TBCK: variants seen among roughly 807,000 people sequenced by gnomAD.
The protein encoded by TBCK is TBC1 domain containing kinase, also known as TBC domain-containing protein kinase-like protein.
A neutral mutation model predicts 113.4 loss-of-function variants in TBCK; 99 were observed. The ratio of observed to expected loss-of-function variants is 0.87; its 90% CI spans 0.74 to 1.03. The LOEUF (loss-of-function observed/expected upper bound fraction) is 1.03. TBCK is among the 50% of genes least tolerant of loss of function. The pLI is 0.00. For synonymous variants in TBCK, 369 were observed against 370.8 expected (o/e 1.00, Z 0.05); for missense variants, 1,045 against 1,061.3 (o/e 0.98, Z 0.21).
At chr4:106,275,739 A>G (rs1467577262) in intron 3 of TBCK, among the ~76,000 whole-genome samples, 1 of 152,138 alleles carries the variant, frequency 6.6e-6, no homozygotes, top group Non-Finnish European at 1.5e-5. Context: ...TACATCATAA[A>G]CTATAAAACA....
At chr4:106,127,378 A>G (rs2149607279) in intron 23 of TBCK, among the ~76,000 whole-genome samples, 1 of 152,242 alleles carries the variant, frequency 6.6e-6, no homozygotes, top group East Asian at 1.9e-4. Context: ...CAAAGTTCAA[A>G]AATCTGTAAA....
intron 25 of TBCK, among the ~76,000 whole-genome samples, chr4:106,078,338 G>A (rs1738466838): frequency 6.6e-6 from 1 of 152,050 alleles, no homozygotes; most frequent in Admixed American, 6.6e-5. Flanking sequence ...AAGTATCAAT[G>A]CCCCCAAAAG....
intron 25 of TBCK, among the ~76,000 whole-genome samples, chr4:106,053,737 T>G (rs1480922044): frequency 2.0e-5 from 3 of 151,610 alleles, no homozygotes; most frequent in Non-Finnish European, 4.4e-5. Flanking sequence ...CTTCACAAAC[T>G]TAACAGTTTC....
chr4:106,247,035 C>A, intron 10 of TBCK, 104 bp downstream of exon 10: 1 of 1,146,928 alleles, frequency 8.7e-7, no homozygotes, highest in East Asian at 2.5e-5. Flanking sequence ...TTCCCATGAT[C>A]CCACCAATAT....
intron 23 of TBCK, among the ~76,000 whole-genome samples, chr4:106,162,681 TAC>T (rs1362585944): frequency 2.6e-5 from 4 of 152,208 alleles, no homozygotes; most frequent in African/African-American, 4.8e-5. Context: ...GCTTAGGGTT[TAC>T]ACCCTTAGAA....
At position 106,194,746 on chromosome 4, in the gene TBCK, G is replaced by A; in HGVS notation, c.1869C>T (p.Ala623=). 1 of 1,581,870 alleles carries A rather than the reference G, an allele frequency of 6.3e-7. No individual in the cohort carries two copies. Among genetic ancestry groups the A allele is most frequent in the East Asian group, 2.3e-5 (1 of 42,974 alleles). ...TAAACATGGTAAGAAACCAAGGGATGGCATAGAGCTATGAGTGGAAAAAGG... is the reference window on the plus strand; with the variant it reads ...TAAACATGGTAAGAAACCAAGGGATAGCATAGAGCTATGAGTGGAAAAAGG... The part of the protein sequence containing the change: ...NEIGFIPDLY[A]IPWFLTMFTH... Residue 623 remains alanine (A), a synonymous_variant, in exon 21 of 26, where the codon GCC becomes GCT. Coordinates refer to ENST00000394708, the MANE Select transcript of TBCK (RefSeq NM_001163435.3).
chr4:106,210,306 C>A (rs1425555160), intron 20 of TBCK, among the ~76,000 whole-genome samples: 1 of 152,114 alleles, frequency 6.6e-6, no homozygotes, highest in African/African-American at 2.4e-5. Flanking sequence ...CAGGTATCAT[C>A]TGGGTCCTTG....
intron 19 of TBCK, among the ~76,000 whole-genome samples, chr4:106,222,623 C>G (rs750705726): frequency 2.0e-5 from 3 of 152,096 alleles, no homozygotes; most frequent in Non-Finnish European, 4.4e-5. Context: ...TGTTTTCCAT[C>G]AGACTACTAG....
At chr4:106,059,254 A>G (rs1489525155) in intron 25 of TBCK, among the ~76,000 whole-genome samples, 2 of 151,658 alleles carry the variant, frequency 1.3e-5, no homozygotes, top group Non-Finnish European at 3.0e-5. Flanking sequence ...GAAAAATTGT[A>G]TATACAGGAA....
At chr4:106,150,695 T>A (rs2149680299) in intron 23 of TBCK, among the ~76,000 whole-genome samples, 1 of 152,176 alleles carries the variant, frequency 6.6e-6, no homozygotes, top group Non-Finnish European at 1.5e-5. Flanking sequence ...CCCCTGTGCC[T>A]GGATGTGGAA....
In TBCK at chr4:106,046,518, T is replaced by C. The variant is rs1263773098; in HGVS notation, c.*52A>G. On this transcript the variant is annotated 3_prime_UTR_variant, in exon 26 of 26. Transcript: ENST00000394708. ...AGAGTGGCGTGGATATGAAGAACTG[T>C]GCTGTTGGTGCTGATGCCACACTAA... is the stretch of plus-strand genomic sequence containing the variant. 2.1e-6 allele frequency: 2 copies of C among 953,462 alleles called. No individual in the cohort carries two copies. Among genetic ancestry groups the C allele is most frequent in the African/African-American group, 1.6e-5 (1 of 61,714 alleles). The allele number at this position is 953,462 out of a possible 1,614,324, so 59.1% of individuals were successfully genotyped here.
chr4:106,309,377 A>C (rs112439126), intron 1 of TBCK, among the ~76,000 whole-genome samples: 1 of 128,774 alleles, frequency 7.8e-6, no homozygotes, highest in Non-Finnish European at 1.5e-5. Context: ...CAGTGGTGTG[A>C]TCTCCGCGCA....
intron 23 of TBCK, among the ~76,000 whole-genome samples, chr4:106,121,617 C>G (rs1184250922): frequency 6.6e-6 from 1 of 151,906 alleles, no homozygotes; most frequent in Non-Finnish European, 1.5e-5. Flanking sequence ...TGACCACATA[C>G]TTGGAAGTAA....
chr4:106,308,713 A>T, intron 2 of TBCK, 55 bp downstream of exon 2: 1 of 1,479,476 alleles, frequency 6.8e-7, no homozygotes. Flanking sequence ...TAGTATTTAT[A>T]ACTTAGGGTA....
intron 24 of TBCK, among the ~76,000 whole-genome samples, chr4:106,097,185 C>T (rs1741024092): frequency 6.6e-6 from 1 of 152,100 alleles, no homozygotes; most frequent in Non-Finnish European, 1.5e-5. Flanking sequence ...TAAAATGCTT[C>T]ACAAAATATG....
Position 106,150,341 on chromosome 4 carries a change from C to T in TBCK, c.2235+20754G>A, listed in dbSNP as rs1005815642. 1.2e-4 allele frequency among the ~76,000 whole-genome samples: 18 copies of T among 152,168 alleles called. No homozygotes were observed. In the East Asian group the frequency reaches 2.9e-3, roughly 24 times the overall value. On this transcript the variant is annotated intron_variant, in intron 23 of 25. Transcript: ENST00000394708. ...AGATATTTTCCCCCATATGAATAAT[C>T]ATTTGTTTAGTTACAAAGATATGAG...
At chr4:106,288,485 A>G (rs959676717) in intron 3 of TBCK, among the ~76,000 whole-genome samples, 2 of 152,252 alleles carry the variant, frequency 1.3e-5, no homozygotes, top group Non-Finnish European at 2.9e-5. Flanking sequence ...TATGACACAC[A>G]TACACCATAT....
rs1734226009 is a variant in TBCK, at chr4:106,046,467, A to G, written c.*103T>C. On this transcript the variant is annotated 3_prime_UTR_variant, in exon 26 of 26. Transcript: ENST00000394708. ...TCGTGACAAACTTTACGGAAATGCA[A>G]CAATCTGGACATCTAGTTTTGTCTG... 4.7e-6 allele frequency: 3 copies of G among 644,828 alleles called. No homozygotes were observed. Among genetic ancestry groups the G allele is most frequent in the Non-Finnish European group, 8.3e-6 (3 of 363,410 alleles). 39.9% of individuals were successfully genotyped at this position (644,828 alleles called of 1,614,324 possible). A position where few individuals can be genotyped will look rare whatever the true frequency, so the allele number is the denominator to read the frequency against.
At chr4:106,077,362 A>C (rs186411812) in intron 25 of TBCK, among the ~76,000 whole-genome samples, 5 of 152,356 alleles carry the variant, frequency 3.3e-5, no homozygotes, top group Admixed American at 3.3e-4. Context: ...CCTCGATTAA[A>C]TGGTATAGAG....
Sources: gnomAD v4.1 joint callset for allele counts (sites outside exome capture counted in the v4.1 genomes callset) on GRCh38, gnomAD v4.1.1 for gene constraint, MANE v1.5 for transcripts, NCBI Gene and HGNC (gene_info 2026-07-23, HGNC 2026-07-21) for gene names.